Variants in TADA2A observed in about 807,000 individuals in gnomAD.
TADA2A encodes transcriptional adapter 2-alpha.
A neutral mutation model predicts 67.4 loss-of-function variants in TADA2A; 38 were observed. The ratio of observed to expected loss-of-function variants is 0.56; its 90% CI spans 0.44 to 0.74. The LOEUF (loss-of-function observed/expected upper bound fraction) is 0.74. Among genes scored for constraint, TADA2A ranks in the 30% least tolerant of loss-of-function variants. The pLI is 0.00. For missense variants in TADA2A, 454 were observed against 547.0 expected (o/e 0.83, Z 1.70); for synonymous variants, 192 against 181.6 (o/e 1.06, Z -0.46).
At chr17:37,418,738 C>T (rs2052134975) in intron 2 of TADA2A, among the ~76,000 whole-genome samples, 1 of 151,642 alleles carries the variant, frequency 6.6e-6, no homozygotes, top group Non-Finnish European at 1.5e-5. Flanking sequence ...ATTAGGCGCC[C>T]ACCACCACAT....
chr17:37,423,480 A>T, intron 2 of TADA2A, 29 bp from the exon 3 acceptor site: 1 of 1,546,722 alleles, frequency 6.5e-7, no homozygotes, highest in Non-Finnish European at 8.8e-7. Flanking sequence ...GGTGGTCTGA[A>T]ATGTGCATTT....
intron 1 of TADA2A, among the ~76,000 whole-genome samples, chr17:37,407,766 T>C (rs1427678619): frequency 2.0e-5 from 3 of 152,158 alleles, no homozygotes; most frequent in African/African-American, 7.2e-5. Context: ...TATTTGTATT[T>C]TCAGCAGAGG....
chr17:37,472,324 C>G lies in TADA2A; in HGVS notation c.1072+1187C>G, dbSNP rs188760239. On this transcript the variant is annotated intron_variant, in intron 14 of 15. Transcript: ENST00000615182. ...CAGGTGATCTGCCTGCCTCGGCCTC[C>G]CAAAGTGCTGGGATTACAGGCATGA... Among the ~76,000 whole-genome samples the G allele has an allele frequency of 2.7e-3, 417 of 152,010 alleles. 1 individual carries two copies. Among genetic ancestry groups the G allele is most frequent in the Non-Finnish European group, 3.9e-3 (267 of 67,946 alleles).
At chr17:37,407,838 C>G (rs1233224993) in intron 1 of TADA2A, 1 of 152,340 alleles carries the variant, frequency 6.6e-6, no homozygotes. Flanking sequence ...ATCCTTCCGC[C>G]TCGGCCTCCC....
At chr17:37,435,518 G>A (rs1052263788) in intron 4 of TADA2A, among the ~76,000 whole-genome samples, 2 of 152,202 alleles carry the variant, frequency 1.3e-5, no homozygotes, top group African/African-American at 4.8e-5. Flanking sequence ...TCGATCTCCT[G>A]ACCTCGTGAT....
intron 8 of TADA2A, among the ~76,000 whole-genome samples, chr17:37,446,285 T>G (rs2053079684): frequency 6.6e-6 from 1 of 152,166 alleles, no homozygotes; most frequent in African/African-American, 2.4e-5. Flanking sequence ...CAGTGACTCA[T>G]GTTATCTTTT....
At chr17:37,427,095 G>C in intron 4 of TADA2A, 86 bp downstream of exon 4, 1 of 1,204,174 alleles carries the variant, frequency 8.3e-7, no homozygotes, top group Non-Finnish European at 1.2e-6. Context: ...TTTTCTTTAA[G>C]CTCTCTTGGA....
At chr17:37,429,562 A>G (rs2052512086) in intron 4 of TADA2A, among the ~76,000 whole-genome samples, 1 of 152,112 alleles carries the variant, frequency 6.6e-6, no homozygotes, top group Non-Finnish European at 1.5e-5. Context: ...AATTATAGAC[A>G]TGAGCCACCA....
intron 2 of TADA2A, among the ~76,000 whole-genome samples, chr17:37,420,520 G>C (rs1206825091): frequency 2.8e-5 from 4 of 144,594 alleles, no homozygotes; most frequent in African/African-American, 1.0e-4. Context: ...AGCCTCCTGA[G>C]TAGCTGAGAT....
rs1459775149 is a variant in TADA2A at position 37,470,531 on chromosome 17, A to C, written c.1027A>C (p.Ile343Leu). Residue 343 changes from isoleucine to leucine, a missense_variant and splice_region_variant, in exon 13 of 16, where the codon ATT becomes CTT. By Grantham distance (5) the Ile-to-Leu change is conservative. This residue lies in a region of TADA2A where 403 missense variants were observed against 455.5 expected (regional missense o/e 0.88). Transcript: ENST00000615182. ...CQQWLRRQAD[I>L]DSGLSPSIPM... Reference sequence around the variant, plus strand: ...GCAGTGGCTCCGCCGGCAAGCTGACATGTGAGTAATTACTCCAGGGTGAAG... The same window carrying C: ...GCAGTGGCTCCGCCGGCAAGCTGACCTGTGAGTAATTACTCCAGGGTGAAG... The C allele has an allele frequency of 1.3e-6, 2 of 1,558,068 alleles. No individual in the cohort carries two copies. Among genetic ancestry groups the C allele is most frequent in the Non-Finnish European group, 1.7e-6 (2 of 1,155,942 alleles).
At chr17:37,412,457 A>G (rs1238885680) in intron 2 of TADA2A, among the ~76,000 whole-genome samples, 1 of 152,078 alleles carries the variant, frequency 6.6e-6, no homozygotes, top group Admixed American at 6.6e-5. Context: ...TGGGGTATGT[A>G]TGAAGTAAAT....
At chr17:37,426,665 GAAAAA>G (rs71135723) in intron 3 of TADA2A, 17 of 121,538 alleles carry the variant, frequency 1.4e-4, no homozygotes, top group Middle Eastern at 4.0e-3. Flanking sequence ...CTCCGTCTCA[GAAAAA>G]AAAAAAAAAA....
At chr17:37,435,457 T>G (rs1172584113) in intron 4 of TADA2A, among the ~76,000 whole-genome samples, 1 of 151,550 alleles carries the variant, frequency 6.6e-6, no homozygotes, top group Non-Finnish European at 1.5e-5. Context: ...CCCGGCTAAT[T>G]TTTTGTATTT....
At chr17:37,415,512 A>G (rs2052014062) in intron 2 of TADA2A, among the ~76,000 whole-genome samples, 1 of 152,132 alleles carries the variant, frequency 6.6e-6, no homozygotes, top group African/African-American at 2.4e-5. Flanking sequence ...AATTCCTGGA[A>G]GTGAGATTGC....
intron 2 of TADA2A, among the ~76,000 whole-genome samples, chr17:37,414,294 C>G (rs1160763478): frequency 1.3e-5 from 2 of 152,170 alleles, no homozygotes; most frequent in East Asian, 3.9e-4. Context: ...ATGGATTATT[C>G]CAAATTTGGC....
chr17:37,440,390 AAAT>A, intron 5 of TADA2A, 112 bp from the exon 6 acceptor site: 2 of 1,202,984 alleles, frequency 1.7e-6, no homozygotes, highest in Non-Finnish European at 2.3e-6. Context: ...ATCAATTTGG[AAAT>A]ATGAGAGTAT....
chr17:37,456,107 G>A (rs1316535425), intron 8 of TADA2A, among the ~76,000 whole-genome samples: 1 of 152,218 alleles, frequency 6.6e-6, no homozygotes, highest in Non-Finnish European at 1.5e-5. Context: ...GGGAGACTGA[G>A]GCAGGAGAAT....
At chr17:37,472,314 C>A (rs1188739063) in intron 14 of TADA2A, among the ~76,000 whole-genome samples, 1 of 151,968 alleles carries the variant, frequency 6.6e-6, no homozygotes, top group African/African-American at 2.4e-5. Context: ...GATCTGCCTG[C>A]CTCGGCCTCC....
chr17:37,439,321 C>T (rs908846703), intron 5 of TADA2A, among the ~76,000 whole-genome samples: 2 of 151,968 alleles, frequency 1.3e-5, no homozygotes, highest in African/African-American at 2.4e-5. Flanking sequence ...CTTGCTCTGT[C>T]GCCCAGGGTG....
Sources: allele counts gnomAD v4.1 joint callset (sites outside exome capture counted in the v4.1 genomes callset), GRCh38; gene constraint gnomAD v4.1.1; regional missense constraint gnomAD v4.1.1; transcripts MANE v1.5; gene names NCBI Gene and HGNC (gene_info 2026-07-23, HGNC 2026-07-21).